TBL1X: variants seen among roughly 807,000 people sequenced by gnomAD.
TBL1X encodes the protein F-box-like/WD repeat-containing protein TBL1X.
Under a neutral mutation model 50.7 loss-of-function variants are expected in TBL1X, and 10 were observed. That is an observed-to-expected ratio of 0.20 (90% CI 0.12 to 0.33). TBL1X has a LOEUF of 0.33. TBL1X is among the 10% of genes least tolerant of loss of function. The pLI, the probability that TBL1X is intolerant of heterozygous loss-of-function variation, is 1.00. For missense variants in TBL1X, 340 were observed against 504.4 expected, an observed-to-expected ratio of 0.67 and a Z score of 3.12; for synonymous variants, 190 against 214.7, an observed-to-expected ratio of 0.88 and a Z score of 1.01.
rs183054483 is a variant in TBL1X at position 9,711,506 on chromosome X, C to T, written c.1440-105C>T. On this transcript the variant is annotated intron_variant, in intron 15 of 17. Coordinates refer to ENST00000645353, the MANE Select transcript of TBL1X (RefSeq NM_005647.4). ...GCTTTTTAGTTATTATCTTTTGAAA[C>T]GTAAAAGCTGGGAAAAACAACTCCT... is the stretch of plus-strand genomic sequence containing the variant. 4.1e-3 allele frequency: 3,267 copies of T among 799,210 alleles called. 7 individuals are homozygous for T. Among genetic ancestry groups the T allele is most frequent in the Non-Finnish European group, 4.9e-3 (2,960 of 603,603 alleles). 65.9% of individuals were successfully genotyped at this position (799,210 alleles called of 1,213,427 possible).
intron 2 of TBL1X, among the ~76,000 whole-genome samples, chrX:9,624,075 T>C (rs2082680592): frequency 8.9e-6 from 1 of 112,589 alleles, no homozygotes; most frequent in South Asian, 3.7e-4. Context: ...AATCTCTGTA[T>C]AGTGGAGGAA....
chrX:9,635,428 A>G (rs1459164165), intron 2 of TBL1X, among the ~76,000 whole-genome samples: 1 of 108,741 alleles, frequency 9.2e-6, no homozygotes, highest in Non-Finnish European at 1.9e-5. Context: ...CTGAGTGGGA[A>G]AAAAAAAAAC....
chrX:9,470,804 T>G (rs2081809837), intron 1 of TBL1X, among the ~76,000 whole-genome samples: 1 of 111,019 alleles, frequency 9.0e-6, no homozygotes. Context: ...CCGGCTAATT[T>G]TGTATTTTTA....
At chrX:9,608,418 C>A (rs1372627089) in intron 2 of TBL1X, among the ~76,000 whole-genome samples, 1 of 111,974 alleles carries the variant, frequency 8.9e-6, no homozygotes, top group Non-Finnish European at 1.9e-5. Context: ...TATATCAGTG[C>A]AGATCCATTC....
chrX:9,520,429 G>A (rs2082101486), intron 2 of TBL1X, among the ~76,000 whole-genome samples: 1 of 111,245 alleles, frequency 9.0e-6, no homozygotes, highest in African/African-American at 3.3e-5. Flanking sequence ...GATGGCCTGG[G>A]GCTAGAGACC....
intron 15 of TBL1X, among the ~76,000 whole-genome samples, chrX:9,710,414 C>T (rs1191749955): frequency 9.1e-6 from 1 of 110,189 alleles, no homozygotes; most frequent in African/African-American, 3.3e-5. Flanking sequence ...ACACATAGGC[C>T]GTAATTCTCA....
At chrX:9,707,956 A>G (rs779521766) in intron 13 of TBL1X, among the ~76,000 whole-genome samples, 3 of 112,701 alleles carry the variant, frequency 2.7e-5, no homozygotes, top group Non-Finnish European at 5.6e-5. Context: ...CAACCTGACC[A>G]TACAGTTAAT....
At chrX:9,567,567 G>A (rs759826752) in intron 2 of TBL1X, among the ~76,000 whole-genome samples, 3 of 111,805 alleles carry the variant, frequency 2.7e-5, no homozygotes, top group East Asian at 2.8e-4. Flanking sequence ...CACTCAAACC[G>A]GTTGTCCAGT....
chrX:9,497,332 C>G (rs2081975840), intron 1 of TBL1X, among the ~76,000 whole-genome samples: 1 of 100,275 alleles, frequency 1.0e-5, no homozygotes, highest in Non-Finnish European at 2.0e-5. Flanking sequence ...TCACCTGAAC[C>G]CAGGAGGTGG....
upstream of TBL1X, chrX:9,463,381 T>G (rs1315626632): frequency 8.9e-6 from 1 of 111,841 alleles, no homozygotes; most frequent in African/African-American, 3.3e-5. Context: ...GGCCCCACCA[T>G]GTCCTTCTGG....
At chrX:9,593,365 G>A (rs2082511490) in intron 2 of TBL1X, among the ~76,000 whole-genome samples, 1 of 109,927 alleles carries the variant, frequency 9.1e-6, no homozygotes, top group Non-Finnish European at 1.9e-5. Flanking sequence ...TCGCACCACT[G>A]CACTCCAGCC....
intron 2 of TBL1X, among the ~76,000 whole-genome samples, chrX:9,602,046 G>C (rs1243424166): frequency 1.8e-5 from 2 of 111,850 alleles, no homozygotes; most frequent in African/African-American, 6.5e-5. Flanking sequence ...TGTGTCTTGA[G>C]AAAACAAAAA....
At chrX:9,689,196 G>T (rs1217956950) in intron 7 of TBL1X, among the ~76,000 whole-genome samples, 2 of 112,640 alleles carry the variant, frequency 1.8e-5, no homozygotes, top group African/African-American at 6.4e-5. Flanking sequence ...CAGCCATGCA[G>T]CCCAGCAGTC....
intron 12 of TBL1X, among the ~76,000 whole-genome samples, chrX:9,702,311 G>A (rs999685133): frequency 1.8e-5 from 2 of 108,619 alleles, no homozygotes; most frequent in Non-Finnish European, 3.8e-5. Context: ...GCTTGGTGGC[G>A]TGCACCTGTC....
At chrX:9,593,710 C>T (rs1029984545) in intron 2 of TBL1X, among the ~76,000 whole-genome samples, 4 of 111,237 alleles carry the variant, frequency 3.6e-5, no homozygotes, top group Non-Finnish European at 5.7e-5. Flanking sequence ...CTTTCCAACC[C>T]CACACCCATC....
At chrX:9,583,083 T>C (rs997703417) in intron 2 of TBL1X, among the ~76,000 whole-genome samples, 1 of 112,782 alleles carries the variant, frequency 8.9e-6, no homozygotes, top group Non-Finnish European at 1.9e-5. Context: ...ACTAGGTGGC[T>C]TAAAATAGCA....
intron 2 of TBL1X, among the ~76,000 whole-genome samples, chrX:9,564,004 A>G (rs1006059428): frequency 2.7e-5 from 3 of 113,063 alleles, no homozygotes; most frequent in Non-Finnish European, 3.7e-5. Context: ...TCAGAATGAC[A>G]TTGTATTTCT....
chrX:9,557,837 A>G (rs2082307863), intron 2 of TBL1X, among the ~76,000 whole-genome samples: 1 of 112,156 alleles, frequency 8.9e-6, no homozygotes. Flanking sequence ...ATGGGCGTGG[A>G]GAACCCGCTT....
intron 1 of TBL1X, among the ~76,000 whole-genome samples, chrX:9,471,698 C>G (rs1259914709): frequency 8.9e-6 from 1 of 111,792 alleles, no homozygotes; most frequent in Non-Finnish European, 1.9e-5. Context: ...GTTCTCCAGC[C>G]CCAGGAGACC....
Sources: allele counts gnomAD v4.1 joint callset (sites outside exome capture counted in the v4.1 genomes callset), GRCh38; gene constraint gnomAD v4.1.1; transcripts MANE v1.5; gene names NCBI Gene and HGNC (gene_info 2026-07-23, HGNC 2026-07-21).